Variants in TENM4 observed in about 807,000 individuals in gnomAD.
TENM4 encodes the protein teneurin transmembrane protein 4.
Under a neutral mutation model 243.3 loss-of-function variants are expected in TENM4, and 82 were observed. That is an observed-to-expected ratio of 0.34 (90% confidence interval 0.28 to 0.40). The LOEUF is 0.40. TENM4 is among the 10% of genes least tolerant of loss of function. The pLI is 1.00. For missense variants in TENM4, 3,138 were observed against 3,673.3 expected (o/e 0.85, Z 3.77); for synonymous variants, 1,412 against 1,456.3 (o/e 0.97, Z 0.69).
intron 19 of TENM4, among the ~76,000 whole-genome samples, chr11:78,751,827 C>T (rs1819821833): frequency 6.6e-6 from 1 of 152,174 alleles, no homozygotes; most frequent in Admixed American, 6.5e-5. Context: ...CAGTGTGTGT[C>T]CTGGACTCTT....
At chr11:79,154,806 TC>T (rs887446776) in intron 3 of TENM4, among the ~76,000 whole-genome samples, 9 of 152,086 alleles carry the variant, frequency 5.9e-5, no homozygotes, top group African/African-American at 2.2e-4. Context: ...AATGCCTATC[TC>T]CCCAGCTAGA....
intron 1 of TENM4, among the ~76,000 whole-genome samples, chr11:79,391,650 T>G (rs1858235655): frequency 6.6e-6 from 1 of 152,238 alleles, no homozygotes; most frequent in Non-Finnish European, 1.5e-5. Context: ...GTGAAGCTAT[T>G]TACTGTCTTT....
intron 2 of TENM4, among the ~76,000 whole-genome samples, chr11:79,291,603 G>A (rs1455629234): frequency 6.6e-6 from 1 of 152,136 alleles, no homozygotes; most frequent in Non-Finnish European, 1.5e-5. Context: ...ACCTCTCAGG[G>A]CTCTGCAGAG....
intron 3 of TENM4, among the ~76,000 whole-genome samples, chr11:79,175,103 A>C (rs969278123): frequency 6.6e-6 from 1 of 152,148 alleles, no homozygotes; most frequent in Non-Finnish European, 1.5e-5. Flanking sequence ...AATACCCTAG[A>C]AAGTTTGAGT....
intron 4 of TENM4, among the ~76,000 whole-genome samples, chr11:79,082,926 C>G (rs951596061): frequency 6.6e-6 from 1 of 152,208 alleles, no homozygotes; most frequent in Non-Finnish European, 1.5e-5. Context: ...TTTCCAGCAG[C>G]TGGGTGGCCA....
chr11:78,999,046 C>A (rs2136694516), intron 6 of TENM4, among the ~76,000 whole-genome samples: 1 of 152,322 alleles, frequency 6.6e-6, no homozygotes, highest in East Asian at 1.9e-4. Flanking sequence ...CTGGCTCAAA[C>A]ACATGGAAGT....
chr11:79,409,499 G>A (rs766441082), intron 1 of TENM4, among the ~76,000 whole-genome samples: 3 of 152,136 alleles, frequency 2.0e-5, no homozygotes, highest in African/African-American at 4.8e-5. Flanking sequence ...CACCAGCTGC[G>A]CCTTTGCTGA....
Position 78,701,989 on chromosome 11 carries a change from A to G in TENM4, c.4624T>C (p.Leu1542=). Residue 1542 remains leucine (L), a synonymous_variant, in exon 28 of 34, where the codon TTG becomes CTG. Transcript: ENST00000278550. ...KDAKLNTPSS[L]AVCADGELYV... is the part of the protein sequence containing the mutation. ...AGCTCCCCATCAGCACACACAGCCAAGGAAGATGGGGTATTTAACTTTGCA... is the reference window on the plus strand; with the variant it reads ...AGCTCCCCATCAGCACACACAGCCAGGGAAGATGGGGTATTTAACTTTGCA... 4 of 1,614,026 alleles carry G rather than the reference A, an allele frequency of 2.5e-6. No individual in the cohort carries two copies. Among genetic ancestry groups the G allele is most frequent in the Admixed American group, 3.3e-5 (2 of 60,028 alleles).
chr11:79,230,686 T>C (rs1013049118), intron 2 of TENM4, among the ~76,000 whole-genome samples: 7 of 152,248 alleles, frequency 4.6e-5, no homozygotes, highest in African/African-American at 1.4e-4. Flanking sequence ...AAGGCATTTT[T>C]TACTGTCATC....
At chr11:79,073,214 G>C (rs1242315423) in intron 4 of TENM4, among the ~76,000 whole-genome samples, 1 of 152,202 alleles carries the variant, frequency 6.6e-6, no homozygotes, top group African/African-American at 2.4e-5. Context: ...CAGCCCTGCT[G>C]AGCCTTTGGG....
chr11:79,147,618 G>C (rs1469840716), intron 4 of TENM4, among the ~76,000 whole-genome samples: 1 of 151,940 alleles, frequency 6.6e-6, no homozygotes, highest in African/African-American at 2.4e-5. Flanking sequence ...TTCTCCTCTG[G>C]CTAAAGGTAA....
intron 27 of TENM4, among the ~76,000 whole-genome samples, chr11:78,704,993 C>G (rs1367939265): frequency 6.6e-6 from 1 of 152,236 alleles, no homozygotes; most frequent in Admixed American, 6.5e-5. Flanking sequence ...AGCCAGGGAG[C>G]CTGCAAACTC....
intron 1 of TENM4, among the ~76,000 whole-genome samples, chr11:79,416,524 A>G (rs1858817091): frequency 6.6e-6 from 1 of 152,228 alleles, no homozygotes; most frequent in African/African-American, 2.4e-5. Context: ...CTCTTCAGCT[A>G]TAACATAAAA....
At chr11:79,415,809 A>G (rs1858799783) in intron 1 of TENM4, among the ~76,000 whole-genome samples, 2 of 152,322 alleles carry the variant, frequency 1.3e-5, no homozygotes, top group Non-Finnish European at 1.5e-5. Context: ...TCAGTATACA[A>G]CTGTGAAAAC....
In TENM4 at chr11:78,712,664, G is replaced by A. The variant is rs1565344785; in HGVS notation, c.3872C>T (p.Ala1291Val). 1.2e-6 allele frequency: 2 copies of A among 1,613,878 alleles called. No individual in the cohort carries two copies. Among genetic ancestry groups the A allele is most frequent in the African/African-American group, 2.7e-5 (2 of 74,926 alleles). ...GCTGTTGCTGTCAGAAAGGAAGACG[G>A]CCCCACTCATGGGGTCTGTGGCCAG... is the stretch of plus-strand genomic sequence containing the variant. ...YYLATDPMSG[A>V]VFLSDSNSRR... The change falls in exon 26 of 34, where the codon GCC (alanine) becomes GTC (valine). Residue 1291 changes from alanine (A) to valine (V), a missense_variant. This residue lies in a region of TENM4 where 2,467 missense variants were observed against 3,059.1 expected (regional missense o/e 0.81). Transcript: ENST00000278550.
intron 4 of TENM4, among the ~76,000 whole-genome samples, chr11:79,114,520 T>A (rs922697268): frequency 3.9e-5 from 6 of 152,168 alleles, no homozygotes; most frequent in Admixed American, 6.5e-5. Flanking sequence ...AAAATATAAA[T>A]CTGGAGCCTG....
intron 7 of TENM4, among the ~76,000 whole-genome samples, chr11:78,892,953 C>G (rs1231205292): frequency 6.6e-6 from 1 of 152,234 alleles, no homozygotes. Context: ...CTCAAAGACC[C>G]AAACGAGGAG....
intron 3 of TENM4, among the ~76,000 whole-genome samples, chr11:79,181,451 A>G (rs571867851): frequency 6.6e-6 from 1 of 152,326 alleles, no homozygotes; most frequent in South Asian, 2.1e-4. Flanking sequence ...TCAACTTCAT[A>G]AACAGCATCT....
chr11:78,861,722 CT>C (rs1241607132), intron 10 of TENM4, among the ~76,000 whole-genome samples: 1 of 152,182 alleles, frequency 6.6e-6, no homozygotes, highest in East Asian at 1.9e-4. Context: ...GTTAAACAAA[CT>C]GGTGGCTGGA....
Sources: allele counts gnomAD v4.1 joint callset (sites outside exome capture counted in the v4.1 genomes callset), GRCh38; gene constraint gnomAD v4.1.1; regional missense constraint gnomAD v4.1.1; transcripts MANE v1.5; gene names NCBI Gene and HGNC (gene_info 2026-07-23, HGNC 2026-07-21).